Variants in CLSTN2 observed in about 807,000 individuals in gnomAD.
CLSTN2 encodes calsyntenin 2.
Under a neutral mutation model 101.2 loss-of-function variants are expected in CLSTN2, and 48 were observed. The ratio of observed to expected loss-of-function variants is 0.47; its 90% CI spans 0.38 to 0.60. The LOEUF (loss-of-function observed/expected upper bound fraction) is 0.60, where lower values mean the gene tolerates loss of function less well. Ranked by LOEUF, CLSTN2 falls within the 20% of genes least tolerant of loss-of-function variation. The pLI is 0.00. For missense variants in CLSTN2, 1,160 were observed against 1,238.2 expected (o/e 0.94, Z 0.95); for synonymous variants, 481 against 463.6 (o/e 1.04, Z -0.48).
At chr3:140,486,781 G>C (rs562918765) in intron 8 of CLSTN2, among the ~76,000 whole-genome samples, 1 of 152,168 alleles carries the variant, frequency 6.6e-6, no homozygotes, top group Non-Finnish European at 1.5e-5. Context: ...GTAGAGGTGC[G>C]TGAATAATGA....
intron 5 of CLSTN2, among the ~76,000 whole-genome samples, chr3:140,443,982 C>T (rs552734120): frequency 1.3e-5 from 2 of 152,292 alleles, no homozygotes; most frequent in South Asian, 4.1e-4. Flanking sequence ...ATAAGCTGCC[C>T]TCAAGGTCAG....
intron 8 of CLSTN2, among the ~76,000 whole-genome samples, chr3:140,502,694 T>C (rs573901795): frequency 2.6e-5 from 4 of 152,138 alleles, no homozygotes; most frequent in Admixed American, 6.5e-5. Flanking sequence ...CTTGGAAAGC[T>C]GATTGGTCGG....
At chr3:140,487,080 G>A (rs1041469775) in intron 8 of CLSTN2, among the ~76,000 whole-genome samples, 2 of 152,180 alleles carry the variant, frequency 1.3e-5, no homozygotes, top group African/African-American at 4.8e-5. Context: ...AAGAGCAGGT[G>A]CCTTCTTTCC....
chr3:140,540,068 A>T (rs143111991), intron 9 of CLSTN2, among the ~76,000 whole-genome samples: 252 of 152,288 alleles, frequency 1.7e-3, no homozygotes, highest in African/African-American at 5.8e-3. Context: ...TATTTGCTCT[A>T]GGTCTTTGAA....
At chr3:139,976,753 G>A (rs1217879610) in intron 1 of CLSTN2, among the ~76,000 whole-genome samples, 1 of 152,178 alleles carries the variant, frequency 6.6e-6, no homozygotes, top group East Asian at 1.9e-4. Flanking sequence ...TCCCACACCT[G>A]TAATATGAGG....
chr3:140,350,443 A>T (rs6797652), intron 2 of CLSTN2, among the ~76,000 whole-genome samples: 1 of 152,008 alleles, frequency 6.6e-6, no homozygotes, highest in Non-Finnish European at 1.5e-5. Context: ...AATGAAGAAG[A>T]TGGGATGTGG....
At chr3:140,530,186 G>T (rs1179231900) in intron 8 of CLSTN2, among the ~76,000 whole-genome samples, 1 of 152,120 alleles carries the variant, frequency 6.6e-6, no homozygotes, top group Non-Finnish European at 1.5e-5. Flanking sequence ...CTGGAAATAA[G>T]TATAGTATAT....
chr3:139,963,391 A>C (rs1462085830), intron 1 of CLSTN2, among the ~76,000 whole-genome samples: 1 of 152,106 alleles, frequency 6.6e-6, no homozygotes, highest in Non-Finnish European at 1.5e-5. Flanking sequence ...TTTTCCAATC[A>C]CATTACCTCC....
chr3:140,416,973 C>T (rs962216195), intron 4 of CLSTN2, among the ~76,000 whole-genome samples: 3 of 152,180 alleles, frequency 2.0e-5, no homozygotes, highest in African/African-American at 7.2e-5. Context: ...GCTTATTTCC[C>T]ATATGAATGG....
intron 2 of CLSTN2, among the ~76,000 whole-genome samples, chr3:140,377,027 A>AGAGAGT (rs2087925202): frequency 4.8e-5 from 1 of 20,826 alleles, no homozygotes; most frequent in Non-Finnish European, 1.6e-4. Context: ...ATACACAGAG[A>AGAGAGT]GAGAGAGAGA....
chr3:140,089,849 T>G (rs150116536), intron 1 of CLSTN2, among the ~76,000 whole-genome samples: 17 of 151,690 alleles, frequency 1.1e-4, no homozygotes, highest in African/African-American at 3.9e-4. Flanking sequence ...TGGGCTCAAG[T>G]GATCTGTGTA....
chr3:140,498,186 A>G (rs1489410564), intron 8 of CLSTN2, among the ~76,000 whole-genome samples: 1 of 152,224 alleles, frequency 6.6e-6, no homozygotes, highest in Non-Finnish European at 1.5e-5. Context: ...AAAAATAATT[A>G]ACTATTGTGT....
At chr3:140,238,531 A>T (rs1297641082) in intron 2 of CLSTN2, among the ~76,000 whole-genome samples, 1 of 152,208 alleles carries the variant, frequency 6.6e-6, no homozygotes, top group African/African-American at 2.4e-5. Flanking sequence ...ATCTCGTTTT[A>T]TAATTGGTAA....
At chr3:140,294,605 A>C (rs544232969) in intron 2 of CLSTN2, among the ~76,000 whole-genome samples, 1 of 151,188 alleles carries the variant, frequency 6.6e-6, no homozygotes, top group African/African-American at 2.4e-5. Context: ...AAACTCCATG[A>C]GCCTAGGAGA....
chr3:140,528,176 T>C (rs911058951), intron 8 of CLSTN2, among the ~76,000 whole-genome samples: 1 of 152,160 alleles, frequency 6.6e-6, no homozygotes, highest in African/African-American at 2.4e-5. Flanking sequence ...GAAGATTAAA[T>C]AGTATAAGGA....
At chr3:140,287,498 G>A (rs915057120) in intron 2 of CLSTN2, among the ~76,000 whole-genome samples, 3 of 152,072 alleles carry the variant, frequency 2.0e-5, no homozygotes, top group Non-Finnish European at 4.4e-5. Flanking sequence ...GGTCAAAAAT[G>A]TATACTTTAA....
At chr3:140,281,547 C>T (rs1431626528) in intron 2 of CLSTN2, among the ~76,000 whole-genome samples, 1 of 152,042 alleles carries the variant, frequency 6.6e-6, no homozygotes, top group Non-Finnish European at 1.5e-5. Context: ...GGGAAAAAAG[C>T]CCTTCTAGTT....
intron 2 of CLSTN2, among the ~76,000 whole-genome samples, chr3:140,348,148 C>T (rs1017341971): frequency 3.9e-5 from 6 of 152,128 alleles, no homozygotes; most frequent in African/African-American, 1.4e-4. Flanking sequence ...ATGTTCTTTC[C>T]CCACTCTGGA....
At chr3:140,155,851 G>C (rs981693432) in intron 1 of CLSTN2, among the ~76,000 whole-genome samples, 5 of 152,204 alleles carry the variant, frequency 3.3e-5, no homozygotes, top group African/African-American at 7.2e-5. Flanking sequence ...TGACAATTCA[G>C]TGCATTGAGA....
Sources: allele counts gnomAD v4.1 joint callset (sites outside exome capture counted in the v4.1 genomes callset), GRCh38; gene constraint gnomAD v4.1.1; transcripts MANE v1.5; gene names NCBI Gene and HGNC (gene_info 2026-07-23, HGNC 2026-07-21).